Variants in CERKL observed in about 807,000 individuals in gnomAD.
The protein encoded by CERKL is ceramide kinase-like protein.
Under a neutral mutation model 63.4 loss-of-function variants are expected in CERKL, and 61 were observed. That is an observed-to-expected ratio of 0.96 (90% CI 0.78 to 1.19). CERKL has a LOEUF of 1.19. Ranked by LOEUF, CERKL falls within the 50% of genes most tolerant of loss-of-function variation. CERKL has a pLI of 0.00. For missense variants in CERKL, 675 were observed against 655.5 expected (o/e 1.03, Z -0.33); for synonymous variants, 250 against 230.5 (o/e 1.08, Z -0.77).
At chr2:181,634,558 T>C (rs184818880) in intron 1 of CERKL, among the ~76,000 whole-genome samples, 1 of 152,198 alleles carries the variant, frequency 6.6e-6, no homozygotes, top group African/African-American at 2.4e-5. Flanking sequence ...GTACGTAGAA[T>C]TTTCAGAGTT....
chr2:181,638,865 T>C (rs1355325903), intron 1 of CERKL, among the ~76,000 whole-genome samples: 1 of 152,186 alleles, frequency 6.6e-6, no homozygotes, highest in Non-Finnish European at 1.5e-5. Flanking sequence ...AGGCTCTCCC[T>C]TCCCCAACCT....
intron 2 of CERKL, among the ~76,000 whole-genome samples, chr2:181,599,170 GAT>G (rs1280239677): frequency 6.6e-6 from 1 of 152,152 alleles, no homozygotes; most frequent in Non-Finnish European, 1.5e-5. Flanking sequence ...TGAAACATGA[GAT>G]AGCCATATTA....
At chr2:181,552,375 T>G (rs1688023313) in intron 5 of CERKL, among the ~76,000 whole-genome samples, 1 of 152,150 alleles carries the variant, frequency 6.6e-6, no homozygotes, top group South Asian at 2.1e-4. Flanking sequence ...ATGCTGTTCT[T>G]GTGATAGTGA....
intron 1 of CERKL, among the ~76,000 whole-genome samples, chr2:181,619,055 T>C (rs1336863919): frequency 6.6e-6 from 1 of 152,096 alleles, no homozygotes; most frequent in Non-Finnish European, 1.5e-5. Flanking sequence ...ATTTTAAATA[T>C]TTCATATTCT....
chr2:181,591,462 A>T (rs1684986747), intron 2 of CERKL, among the ~76,000 whole-genome samples: 1 of 152,192 alleles, frequency 6.6e-6, no homozygotes, highest in Non-Finnish European at 1.5e-5. Context: ...TGAAAGGTGG[A>T]AAAAGCTAAC....
intron 2 of CERKL, among the ~76,000 whole-genome samples, chr2:181,590,669 C>T (rs1318637658): frequency 6.6e-6 from 1 of 152,004 alleles, no homozygotes; most frequent in African/African-American, 2.4e-5. Context: ...TGAGACTAGC[C>T]GAACTTGAAA....
chr2:181,640,584 A>G lies in CERKL; in HGVS notation c.238+16185T>C, dbSNP rs115887004. ...GAGATTACACAACTGCAATGAATTT[A>G]TCTACTACATCCCTGACCATTTCAA... On this transcript the variant is annotated intron_variant, in intron 1 of 12. Transcript: ENST00000410087. 3.4e-3 allele frequency among the ~76,000 whole-genome samples: 524 copies of G among 152,338 alleles called. 5 individuals carry two copies. The highest frequency in any genetic ancestry group is 0.012 in the African/African-American group (501 of 41,578).
rs761899070 is a variant in CERKL at position 181,603,926 on chromosome 2, T to C, written c.392A>G (p.Asn131Ser). The C allele has an allele frequency of 6.2e-7, 1 of 1,613,290 alleles. No homozygotes were observed. The highest frequency in any genetic ancestry group is 8.5e-7 in the Non-Finnish European group (1 of 1,179,556). The part of the protein sequence containing the change: ...TLFICLKKEQ[N>S]KLKNSTLDLI... ...ATCAAGTGTAGAATTCTTTAGTTTA[T>C]TTTGTTCCTTTTTCAAGCAGATGAA... The change falls in exon 2 of 13, where the codon AAT (asparagine) becomes AGT (serine). Residue 131 changes from asparagine to serine, a missense_variant. Asn to Ser is a conservative substitution (Grantham distance 46). Transcript: ENST00000410087.
intron 10 of CERKL, among the ~76,000 whole-genome samples, 193 bp from the exon 11 acceptor site, chr2:181,544,989 A>G (rs1439644206): frequency 6.6e-6 from 1 of 152,170 alleles, no homozygotes; most frequent in African/African-American, 2.4e-5. Context: ...CAGGCTTTCA[A>G]ATGAGTTTTA....
chr2:181,575,808 CAGACAG>C lies in CERKL; in HGVS notation c.482-1930_482-1925del, dbSNP rs554737943. 3.8e-3 allele frequency among the ~76,000 whole-genome samples: 579 copies of C among 152,258 alleles called. 7 individuals are homozygous for C. Among genetic ancestry groups the C allele is most frequent in the African/African-American group, 0.013 (556 of 41,548 alleles). Reference sequence around the variant, plus strand: ...CTAGTCTGCCGGGCCTTCCTTTGTTCAGACAGTTTTTCCTTTAAGCTCCACCCCATC... The same window carrying C: ...CTAGTCTGCCGGGCCTTCCTTTGTTCTTTTTCCTTTAAGCTCCACCCCATC... On this transcript the variant is annotated intron_variant, in intron 2 of 12. Coordinates refer to ENST00000410087, the MANE Select transcript of CERKL (RefSeq NM_201548.5).
chr2:181,610,423 A>C (rs1391302536), intron 1 of CERKL, among the ~76,000 whole-genome samples: 3 of 152,244 alleles, frequency 2.0e-5, no homozygotes, highest in Non-Finnish European at 4.4e-5. Context: ...CAAGTTGGGA[A>C]TATGTATCAA....
chr2:181,588,519 C>T (rs1684857174), intron 2 of CERKL, among the ~76,000 whole-genome samples: 1 of 152,106 alleles, frequency 6.6e-6, no homozygotes, highest in Admixed American at 6.6e-5. Flanking sequence ...TCAGATTGAT[C>T]CCTTATCTTG....
rs1473295 is a variant in CERKL at position 181,656,851 on chromosome 2, G to C, written c.156C>G (p.Phe52Leu). ...CGTCACAACTGTCCCTCCCGATCTC[G>C]AAGATGCCCCGGAGCAGAATCCGCT... Reference protein sequence around the residue: ...AAERILLRGIFEIGRDSCDVV... With the variant: ...AAERILLRGILEIGRDSCDVV... The change falls in exon 1 of 13, where the codon TTC becomes TTG. Residue 52 changes from phenylalanine (F) to leucine (L), a missense_variant. By Grantham distance (22) the Phe-to-Leu change is conservative (BLOSUM62 0). Transcript: ENST00000410087. The C allele has an allele frequency of 6.2e-6, 10 of 1,601,406 alleles. No homozygotes were observed. Among genetic ancestry groups the C allele is most frequent in the African/African-American group, 1.3e-5 (1 of 74,214 alleles).
At chr2:181,592,202 C>G (rs191967217) in intron 2 of CERKL, among the ~76,000 whole-genome samples, 47 of 152,262 alleles carry the variant, frequency 3.1e-4, no homozygotes, top group African/African-American at 1.1e-3. Flanking sequence ...CTTTCTCTTT[C>G]TCTCTCTTGA....
At chr2:181,547,786 C>T in intron 9 of CERKL, 36 bp downstream of exon 9, 2 of 1,613,824 alleles carry the variant, frequency 1.2e-6, no homozygotes, top group Non-Finnish European at 1.7e-6. Context: ...TCAACAGAAC[C>T]TGGCACAGTT....
intron 2 of CERKL, among the ~76,000 whole-genome samples, chr2:181,579,256 A>C (rs1350601120): frequency 6.6e-6 from 1 of 151,928 alleles, no homozygotes; most frequent in African/African-American, 2.4e-5. Context: ...CTCTACAAGG[A>C]ATTTAGATTG....
chr2:181,541,059 C>CA (rs1687483259), intron 11 of CERKL, among the ~76,000 whole-genome samples: 1 of 152,210 alleles, frequency 6.6e-6, no homozygotes, highest in Non-Finnish European at 1.5e-5. Flanking sequence ...CCTTGGCCCT[C>CA]AAATTCCTGT....
chr2:181,646,040 T>A (rs551145903), intron 1 of CERKL, among the ~76,000 whole-genome samples: 6 of 152,274 alleles, frequency 3.9e-5, no homozygotes, highest in African/African-American at 1.4e-4. Context: ...ACTAAGAAGC[T>A]AACATTTGTG....
intron 2 of CERKL, among the ~76,000 whole-genome samples, chr2:181,599,440 GGCAGGAGAATC>G (rs1465989276): frequency 1.3e-5 from 2 of 151,908 alleles, no homozygotes; most frequent in African/African-American, 2.4e-5. Flanking sequence ...CAGAAGGTGA[GGCAGGAGAATC>G]GCTTGAACCC....
Sources: allele counts gnomAD v4.1 joint callset (sites outside exome capture counted in the v4.1 genomes callset), GRCh38; gene constraint gnomAD v4.1.1; transcripts MANE v1.5; gene names NCBI Gene and HGNC (gene_info 2026-07-23, HGNC 2026-07-21).